The following RBFOX1 variants were observed in gnomAD, a reference collection of about 807,000 sequenced individuals.
The protein encoded by RBFOX1 is RNA binding fox-1 homolog 1, also known as RNA binding protein fox-1 homolog 1.
RBFOX1 carries 8 observed loss-of-function variants against 57.7 expected under a neutral mutation model. The ratio of observed to expected loss-of-function variants is 0.14; its 90% confidence interval spans 0.08 to 0.25. RBFOX1 has a LOEUF of 0.25. RBFOX1 is among the 10% of genes least tolerant of loss of function. RBFOX1 has a pLI of 1.00. For synonymous variants in RBFOX1, 326 were observed against 222.4 expected, an observed-to-expected ratio of 1.47 and a Z score of -4.15; for missense variants, 611 against 548.5, an observed-to-expected ratio of 1.11 and a Z score of -1.14.
chr16:6,956,358 G>C (rs1189406588), intron 3 of RBFOX1, among the ~76,000 whole-genome samples: 3 of 152,184 alleles, frequency 2.0e-5, no homozygotes, highest in Non-Finnish European at 4.4e-5. Flanking sequence ...TTTGCTGCTG[G>C]AGTTCTTCAG....
In RBFOX1 at chr16:7,367,018, A is replaced by G. The variant is rs537718907; in HGVS notation, c.28-151129A>G. 2.0e-5 allele frequency among the ~76,000 whole-genome samples: 3 copies of G among 151,614 alleles called. No homozygotes were observed. The South Asian group carries it at 6.2e-4, about 32-fold the overall frequency. ...AACTCTGGTGTGAAATGAATTGCAGATGGGTTTTCTGGCTTGATTCCCTCC... is the reference window on the plus strand; with the variant it reads ...AACTCTGGTGTGAAATGAATTGCAGGTGGGTTTTCTGGCTTGATTCCCTCC... On this transcript the variant is annotated intron_variant, in intron 4 of 15. Transcript: ENST00000550418.
At position 7,311,478 on chromosome 16, in the gene RBFOX1, CTTTTTTTTT is replaced by C. The variant is rs1190746565; in HGVS notation, c.28-206659_28-206651del. ...AAGGTTTAGTCTTGATGAGCCTTTTCTTTTTTTTTTTTTTTTTTGGCATTCGATGTTTGC... is the reference window on the plus strand; with the variant it reads ...AAGGTTTAGTCTTGATGAGCCTTTTCTTTTTTTTTGGCATTCGATGTTTGC... On this transcript the variant is annotated intron_variant, in intron 4 of 15. Coordinates refer to ENST00000550418, the MANE Select transcript of RBFOX1 (RefSeq NM_018723.4). Among the ~76,000 whole-genome samples, 5 of 122,508 alleles carry C rather than the reference CTTTTTTTTT, an allele frequency of 4.1e-5. No individual in the cohort carries two copies. In the South Asian group the frequency reaches 1.1e-3, roughly 26 times the overall value. The allele number at this position is 122,508 out of a possible 152,430, so 80.4% of individuals were successfully genotyped here.
chr16:6,999,067 C>A (rs1389509488), intron 3 of RBFOX1, among the ~76,000 whole-genome samples: 1 of 151,146 alleles, frequency 6.6e-6, no homozygotes, highest in African/African-American at 2.4e-5. Flanking sequence ...CAGGGTTTCA[C>A]CATGTTGGCC....
In RBFOX1 at chr16:5,529,832, T is replaced by G. The variant is rs573907357; in HGVS notation, c.258+62578T>G. On this transcript the variant is annotated intron_variant, in intron 2 of 2. Coordinates refer to the RBFOX1 transcript ENST00000585867. ...ATCCACCCACCTCAGATTCCCAAAG[T>G]GCTGGAATTACAGGCATGAGCCATC... Among the ~76,000 whole-genome samples the G allele has an allele frequency of 7.2e-5, 11 of 152,200 alleles. No homozygotes were observed. The South Asian group carries it at 1.5e-3, about 20-fold the overall frequency.
intron 1 of RBFOX1, among the ~76,000 whole-genome samples, chr16:5,422,740 A>G (rs1354127910): frequency 8.7e-5 from 10 of 115,536 alleles, no homozygotes; most frequent in Non-Finnish European, 1.6e-4. Flanking sequence ...GAGCAGGGAA[A>G]GGGATGGGGA....
At chr16:7,367,944 G>C (rs986218906) in intron 4 of RBFOX1, among the ~76,000 whole-genome samples, 2 of 151,378 alleles carry the variant, frequency 1.3e-5, no homozygotes, top group African/African-American at 2.4e-5. Flanking sequence ...CACATCATTA[G>C]CCCAAGGGTC....
rs147250188 is a variant in RBFOX1 at position 7,562,168 on chromosome 16, C to T, written c.271-17609C>T. On this transcript the variant is annotated intron_variant, in intron 5 of 15. Coordinates refer to ENST00000550418, the MANE Select transcript of RBFOX1 (RefSeq NM_018723.4). ...TGGCAACAATCTTGGGAGTATTTGA[C>T]ATGTTCCCAAAATTAGTTGGGTGCG... Among the ~76,000 whole-genome samples, 32 of 152,262 alleles carry T rather than the reference C, an allele frequency of 2.1e-4. No homozygotes were observed. The East Asian group carries it at 5.8e-3, about 28-fold the overall frequency.
At chr16:6,634,001 G>A (rs1255696711) in intron 2 of RBFOX1, among the ~76,000 whole-genome samples, 1 of 152,100 alleles carries the variant, frequency 6.6e-6, no homozygotes, top group Admixed American at 6.6e-5. Context: ...GACAACATGA[G>A]TAAGACCCCA....
chr16:6,352,574 CA>C (rs987922173), intron 2 of RBFOX1, among the ~76,000 whole-genome samples: 1 of 151,924 alleles, frequency 6.6e-6, no homozygotes, highest in Admixed American at 6.6e-5. Context: ...GATAGCAAAA[CA>C]AAAAAACAAA....
At chr16:7,085,295 G>C (rs961260505) in intron 4 of RBFOX1, among the ~76,000 whole-genome samples, 1 of 152,104 alleles carries the variant, frequency 6.6e-6, no homozygotes, top group Non-Finnish European at 1.5e-5. Flanking sequence ...CTGCCACTCA[G>C]CACCGGCTCA....
At chr16:6,652,302 G>T (rs1488289682) in intron 2 of RBFOX1, among the ~76,000 whole-genome samples, 1 of 152,104 alleles carries the variant, frequency 6.6e-6, no homozygotes, top group African/African-American at 2.4e-5. Flanking sequence ...TACAAAATTA[G>T]TTGGGGGTTG....
intron 2 of RBFOX1, among the ~76,000 whole-genome samples, chr16:6,615,099 A>C (rs1413464344): frequency 6.6e-6 from 1 of 152,154 alleles, no homozygotes; most frequent in African/African-American, 2.4e-5. Context: ...AAACAGTTGC[A>C]CCTTTGCTTA....
intron 4 of RBFOX1, among the ~76,000 whole-genome samples, chr16:5,955,370 A>G (rs78168767): frequency 0.21 from 9,662 of 45,394 alleles, 1,085 homozygotes; most frequent in African/African-American, 0.32. Context: ...ATAAAATAAA[A>G]TAAAATAAAA....
intron 3 of RBFOX1, among the ~76,000 whole-genome samples, chr16:6,839,986 T>G (rs1022789175): frequency 3.3e-5 from 5 of 152,186 alleles, no homozygotes; most frequent in African/African-American, 7.2e-5. Context: ...AACGAAATAT[T>G]TGGTATAAAC....
chr16:6,350,521 T>TC (rs2086180827), intron 2 of RBFOX1, among the ~76,000 whole-genome samples: 1 of 143,082 alleles, frequency 7.0e-6, no homozygotes, highest in Non-Finnish European at 1.5e-5. Context: ...AGAATATACT[T>TC]CCCAACTTCT....
intron 1 of RBFOX1, among the ~76,000 whole-genome samples, chr16:5,403,997 G>A (rs975329246): frequency 2.6e-5 from 4 of 151,434 alleles, no homozygotes; most frequent in African/African-American, 7.3e-5. Context: ...GGGTGGGGCT[G>A]GGCATGGGGT....
intron 2 of RBFOX1, among the ~76,000 whole-genome samples, chr16:6,642,937 G>C (rs1288936540): frequency 2.0e-5 from 3 of 152,138 alleles, no homozygotes; most frequent in Non-Finnish European, 4.4e-5. Flanking sequence ...TACATGCGTT[G>C]TTTGCTGTTT....
At chr16:6,150,371 G>A (rs2152722826) in intron 1 of RBFOX1, among the ~76,000 whole-genome samples, 1 of 152,258 alleles carries the variant, frequency 6.6e-6, no homozygotes. Flanking sequence ...AAGAGTTGAA[G>A]TTGTGAGGAT....
At chr16:5,339,197 A>G (rs746402974) in intron 1 of RBFOX1, among the ~76,000 whole-genome samples, 9 of 151,662 alleles carry the variant, frequency 5.9e-5, no homozygotes, top group Non-Finnish European at 1.3e-4. Flanking sequence ...CCGCTGTCCT[A>G]CTCTCTATTT....
Sources: allele counts gnomAD v4.1 joint callset (sites outside exome capture counted in the v4.1 genomes callset), GRCh38; gene constraint gnomAD v4.1.1; transcripts MANE v1.5; gene names NCBI Gene and HGNC (gene_info 2026-07-23, HGNC 2026-07-21).